Variants in CDH13 observed in about 807,000 individuals in gnomAD.
The protein encoded by CDH13 is cadherin-13.
Under a neutral mutation model 63.8 loss-of-function variants are expected in CDH13, and 24 were observed. That is an observed-to-expected ratio of 0.38 (90% CI 0.27 to 0.53). The LOEUF (loss-of-function observed/expected upper bound fraction) is 0.53, where lower values mean the gene tolerates loss of function less well. Among genes scored for constraint, CDH13 ranks in the 20% least tolerant of loss-of-function variants. The pLI is 0.85. For missense variants in CDH13, 1,049 were observed against 903.1 expected, an observed-to-expected ratio of 1.16 and a Z score of -2.07; for synonymous variants, 503 against 355.3, an observed-to-expected ratio of 1.42 and a Z score of -4.67.
At chr16:83,309,655 G>A (rs540229742) in intron 5 of CDH13, among the ~76,000 whole-genome samples, 5 of 152,232 alleles carry the variant, frequency 3.3e-5, no homozygotes, top group Admixed American at 6.5e-5. Context: ...GATTACAGGC[G>A]TGAGCCGCCA....
At chr16:83,404,750 A>T (rs56218203) in intron 6 of CDH13, among the ~76,000 whole-genome samples, 1 of 152,118 alleles carries the variant, frequency 6.6e-6, no homozygotes, top group Non-Finnish European at 1.5e-5. Flanking sequence ...AGAAACAAAC[A>T]TGTATATCCT....
intron 10 of CDH13, among the ~76,000 whole-genome samples, chr16:83,737,718 C>G (rs190553108): frequency 6.6e-6 from 1 of 152,306 alleles, no homozygotes; most frequent in Non-Finnish European, 1.5e-5. Context: ...ATCATATCAT[C>G]AACAGCCCTG....
At chr16:83,068,717 G>C (rs1321012792) in intron 3 of CDH13, among the ~76,000 whole-genome samples, 1 of 152,082 alleles carries the variant, frequency 6.6e-6, no homozygotes, top group Admixed American at 6.5e-5. Flanking sequence ...GCAGGCAGTT[G>C]GCATAAAAAG....
chr16:83,048,444 C>T (rs545988108), intron 3 of CDH13, among the ~76,000 whole-genome samples: 1 of 152,258 alleles, frequency 6.6e-6, no homozygotes, highest in East Asian at 1.9e-4. Context: ...CAGGTTCCTG[C>T]CCTTATTGCT....
intron 11 of CDH13, among the ~76,000 whole-genome samples, chr16:83,779,300 G>A (rs1386427704): frequency 2.7e-5 from 4 of 150,464 alleles, no homozygotes; most frequent in Non-Finnish European, 5.9e-5. Flanking sequence ...CCAGCTACTC[G>A]GGAGGCTGAG....
intron 6 of CDH13, among the ~76,000 whole-genome samples, chr16:83,381,309 T>G (rs375384871): frequency 6.6e-6 from 1 of 152,078 alleles, no homozygotes; most frequent in Non-Finnish European, 1.5e-5. Flanking sequence ...AATCGTGGAC[T>G]CCCCCTTTCC....
chr16:83,672,409 C>CTTT (rs34156503), intron 9 of CDH13, among the ~76,000 whole-genome samples: 1,030 of 35,122 alleles, frequency 0.029, 290 homozygotes, highest in Admixed American at 0.052. Flanking sequence ...TCTGGATTCT[C>CTTT]TTTTTTTTTT....
intron 4 of CDH13, chr16:83,180,797 T>C: frequency 2.0e-6 from 2 of 992,844 alleles, no homozygotes; most frequent in Non-Finnish European, 3.0e-6. Context: ...TAATCCATGA[T>C]GCTGTAGTCA....
chr16:82,801,945 G>C (rs2036874012), intron 1 of CDH13, among the ~76,000 whole-genome samples: 2 of 152,196 alleles, frequency 1.3e-5, no homozygotes, highest in African/African-American at 4.8e-5. Flanking sequence ...ACAGTAAGGA[G>C]TGCGGATGTG....
At chr16:82,977,805 G>A (rs1909728998) in intron 2 of CDH13, among the ~76,000 whole-genome samples, 1 of 152,170 alleles carries the variant, frequency 6.6e-6, no homozygotes, top group African/African-American at 2.4e-5. Context: ...GGAACAGTTT[G>A]GAGGGCTCAG....
intron 1 of CDH13, among the ~76,000 whole-genome samples, chr16:82,797,728 G>T (rs371894826): frequency 6.6e-6 from 1 of 151,770 alleles, no homozygotes; most frequent in East Asian, 1.9e-4. Flanking sequence ...ATAGAATTCA[G>T]TGAACAATGC....
chr16:83,174,440 CA>C (rs1159554767), intron 4 of CDH13, among the ~76,000 whole-genome samples: 1 of 151,948 alleles, frequency 6.6e-6, no homozygotes, highest in East Asian at 1.9e-4. Context: ...TTATGGATTG[CA>C]GCAAGACCGA....
intron 6 of CDH13, among the ~76,000 whole-genome samples, chr16:83,368,706 A>T (rs1447416579): frequency 6.6e-6 from 1 of 150,900 alleles, no homozygotes; most frequent in Non-Finnish European, 1.5e-5. Flanking sequence ...AGTCCAATAC[A>T]TTATTCTTAT....
intron 1 of CDH13, among the ~76,000 whole-genome samples, chr16:82,755,671 A>G (rs542913084): frequency 2.0e-4 from 30 of 152,336 alleles, no homozygotes; most frequent in African/African-American, 6.7e-4. Context: ...ATTTACTGAT[A>G]ATTAAAACTG....
intron 7 of CDH13, among the ~76,000 whole-genome samples, chr16:83,559,206 G>A (rs6563929): frequency 0.24 from 35,970 of 152,180 alleles, 4,186 homozygotes; most frequent in Admixed American, 0.27. Flanking sequence ...GAATAATAAT[G>A]TTGTGAGTTG....
At chr16:82,808,326 C>T (rs2037261548) in intron 1 of CDH13, among the ~76,000 whole-genome samples, 1 of 152,154 alleles carries the variant, frequency 6.6e-6, no homozygotes, top group Non-Finnish European at 1.5e-5. Flanking sequence ...GAAGCAAGAT[C>T]TAACAGCCTT....
At chr16:83,166,116 T>C (rs2037655166) in intron 4 of CDH13, among the ~76,000 whole-genome samples, 1 of 152,126 alleles carries the variant, frequency 6.6e-6, no homozygotes, top group Non-Finnish European at 1.5e-5. Flanking sequence ...TTGCAGTTGG[T>C]GGCCAGGTTT....
intron 4 of CDH13, among the ~76,000 whole-genome samples, chr16:83,145,060 CG>C (rs10709281): frequency 0.27 from 40,951 of 152,018 alleles, 6,167 homozygotes; most frequent in African/African-American, 0.41. Context: ...GACACAAGTA[CG>C]GGGACATTAT....
intron 2 of CDH13, among the ~76,000 whole-genome samples, chr16:82,948,533 T>C (rs1020703184): frequency 6.6e-6 from 1 of 152,170 alleles, no homozygotes; most frequent in Non-Finnish European, 1.5e-5. Flanking sequence ...TTGGGAACAA[T>C]CAAAAGATCA....
Sources: gnomAD v4.1 joint callset for allele counts (sites outside exome capture counted in the v4.1 genomes callset) on GRCh38, gnomAD v4.1.1 for gene constraint, MANE v1.5 for transcripts, NCBI Gene and HGNC (gene_info 2026-07-23, HGNC 2026-07-21) for gene names.